The following CEP170B variants were observed in gnomAD, a reference collection of about 807,000 sequenced individuals.
The protein encoded by CEP170B is centrosomal protein 170B, also known as centrosomal protein of 170 kDa protein B.
A neutral mutation model predicts 120.6 loss-of-function variants in CEP170B; 55 were observed. That is an observed-to-expected ratio of 0.46 (90% CI 0.37 to 0.57). The LOEUF is 0.57. Ranked by LOEUF, CEP170B falls within the 20% of genes least tolerant of loss-of-function variation. The pLI is 0.00. For missense variants in CEP170B, 2,212 were observed against 2,253.3 expected (o/e 0.98, Z 0.37); for synonymous variants, 1,033 against 954.5 (o/e 1.08, Z -1.52).
In CEP170B at chr14:104,891,470, G is replaced by A. The variant is rs923883216; in HGVS notation, c.3879-1506G>A. 8.5e-5 allele frequency among the ~76,000 whole-genome samples: 13 copies of A among 152,070 alleles called. No homozygotes were observed. The highest frequency in any genetic ancestry group is 2.4e-4 in the African/African-American group (10 of 41,388). On this transcript the variant is annotated intron_variant, in intron 13 of 18. Coordinates refer to ENST00000414716, the MANE Select transcript of CEP170B (RefSeq NM_001112726.3). This position sits in a 1 kb window ranked among gnomAD's most constrained non-coding sequence, Gnocchi z 4.3. ...GAGTGGCCCACACTGGGGTGGAGGCGCAGGCACCTGAGGCTGTGAGCAGCA... is the reference window on the plus strand; with the variant it reads ...GAGTGGCCCACACTGGGGTGGAGGCACAGGCACCTGAGGCTGTGAGCAGCA...
intron 8 of CEP170B, 45 bp from the exon 9 acceptor site, chr14:104,883,786 T>C: frequency 6.8e-7 from 1 of 1,474,912 alleles, no homozygotes; most frequent in Non-Finnish European, 9.0e-7. Context: ...GACAGCTGTT[T>C]CCTTTCTCTC....
Position 104,887,863 on chromosome 14 carries a change from G to A in CEP170B, c.3624G>A (p.Lys1208=). ...RSVELCCASR[K]PTMAEARAVS... ...TGGAGTTGTGCTGTGCCAGCCGCAA[G>A]CCCACCATGGCCGAAGCACGGGCTG... Residue 1208 remains lysine (K), a synonymous_variant, in exon 12 of 19, where the codon AAG becomes AAA. Coordinates refer to ENST00000414716, the MANE Select transcript of CEP170B (RefSeq NM_001112726.3). 6 of 1,575,012 alleles carry A rather than the reference G, an allele frequency of 3.8e-6. No individual in the cohort carries two copies. Among genetic ancestry groups the A allele is most frequent in the Non-Finnish European group, 5.2e-6 (6 of 1,164,416 alleles).
At chr14:104,881,363 C>T (rs1432801679) in intron 6 of CEP170B, among the ~76,000 whole-genome samples, 7 of 152,124 alleles carry the variant, frequency 4.6e-5, no homozygotes, top group Non-Finnish European at 1.0e-4. Context: ...GGATCAGGCT[C>T]TCGGCTCCCA....
In CEP170B at chr14:104,886,629, T is replaced by C. The variant is rs1896527349; in HGVS notation, c.2390T>C (p.Phe797Ser). The change falls in exon 12 of 19, where the codon TTC (phenylalanine) becomes TCC (serine). Residue 797 changes from phenylalanine (F) to serine (S), a missense_variant. Physicochemically the swap from Phe to Ser is radical, Grantham distance 155 (BLOSUM62 -2). Transcript: ENST00000414716. ...CCCGGGGAGCCAACTCCCGCCTCTT[T>C]CTTCATTGGGGACCAGAATGGGGAC... ...RAPGEPTPASFFIGDQNGDAV... is the reference protein window; with the variant it reads ...RAPGEPTPASSFIGDQNGDAV... 6.6e-7 allele frequency: 1 copy of C among 1,522,652 alleles called. No homozygotes were observed. The highest frequency in any genetic ancestry group is 8.8e-7 in the Non-Finnish European group (1 of 1,137,916). The allele number at this position is 1,522,652 out of a possible 1,614,324, so 94.3% of individuals were successfully genotyped here.
intron 2 of CEP170B, among the ~76,000 whole-genome samples, chr14:104,874,157 G>A (rs1895710949): frequency 6.6e-6 from 1 of 152,174 alleles, no homozygotes; most frequent in Admixed American, 6.5e-5. Flanking sequence ...TCTTGGAGGA[G>A]GTGAGTGCTG....
rs748288961 is a variant in CEP170B at position 104,893,684 on chromosome 14, G to A, written c.4182+18G>A. 3.1e-5 allele frequency: 49 copies of A among 1,583,266 alleles called. No homozygotes were observed. The highest frequency in any genetic ancestry group is 4.0e-5 in the African/African-American group (3 of 74,218). On this transcript the variant is annotated intron_variant, in intron 15 of 18. Coordinates refer to ENST00000414716, the MANE Select transcript of CEP170B (RefSeq NM_001112726.3). ...GAGAGGAGGCACGGTGCCCACTACC[G>A]CCACGGAGCTGGGTGTGGGGGGAGC... is the stretch of plus-strand genomic sequence containing the variant.
At chr14:104,872,267 T>C (rs1290336613) in intron 2 of CEP170B, among the ~76,000 whole-genome samples, 2 of 112,918 alleles carry the variant, frequency 1.8e-5, no homozygotes, top group African/African-American at 7.5e-5. Context: ...TGTGTGCGTG[T>C]GGGTGTGCCG....
chr14:104,888,289 C>A (rs544170183), intron 12 of CEP170B, among the ~76,000 whole-genome samples: 1 of 152,360 alleles, frequency 6.6e-6, no homozygotes, highest in South Asian at 2.1e-4. Context: ...CCCACTCTTC[C>A]TGTACTCCTG....
In CEP170B at chr14:104,886,624, C is replaced by T. The variant is rs766621853; in HGVS notation, c.2385C>T (p.Ala795=). 1.9e-5 allele frequency: 29 copies of T among 1,522,468 alleles called. No individual in the cohort carries two copies. Among genetic ancestry groups the T allele is most frequent in the African/African-American group, 4.2e-5 (3 of 71,844 alleles). 94.3% of individuals were successfully genotyped at this position (1,522,468 alleles called of 1,614,324 possible). ...SPRAPGEPTP[A]SFFIGDQNGD... ...GGGCCCCCGGGGAGCCAACTCCCGC[C>T]TCTTTCTTCATTGGGGACCAGAATG... The change falls in exon 12 of 19, where the codon GCC becomes GCT. Residue 795 remains alanine, a synonymous_variant. Coordinates refer to ENST00000414716, the MANE Select transcript of CEP170B (RefSeq NM_001112726.3).
Position 104,896,511 on chromosome 14 carries a change from C to T in CEP170B, c.*1553C>T, listed in dbSNP as rs1420779458. The T allele has an allele frequency of 1.6e-5, 7 of 451,118 alleles. No homozygotes were observed. The highest frequency in any genetic ancestry group is 1.4e-4 in the Admixed American group (6 of 42,258). The allele number at this position is 451,118 out of a possible 1,614,324, so 27.9% of individuals were successfully genotyped here. A position where few individuals can be genotyped will look rare whatever the true frequency, so the allele number is the denominator to read the frequency against. On this transcript the variant is annotated 3_prime_UTR_variant, in exon 19 of 19. Transcript: ENST00000414716. Reference sequence around the variant, plus strand: ...TCATCCACGGCTCCTTCCCACCCCTCGGCAGTGGCTGTGCAATGTTTTAAG... The same window carrying T: ...TCATCCACGGCTCCTTCCCACCCCTTGGCAGTGGCTGTGCAATGTTTTAAG...
Position 104,865,582 on chromosome 14 carries a change from G to GGTCTCACGGGGCGCGGGGTCCC in CEP170B, c.-28+71_-28+92dup, listed in dbSNP as rs1451482397. The GGTCTCACGGGGCGCGGGGTCCC allele has an allele frequency of 5.3e-5, 8 of 151,032 alleles. No individual in the cohort carries two copies. The highest frequency in any genetic ancestry group is 1.9e-4 in the African/African-American group (8 of 41,302). 9.4% of individuals were successfully genotyped at this position (151,032 alleles called of 1,614,324 possible). A position where few individuals can be genotyped will look rare whatever the true frequency, so the allele number is the denominator to read the frequency against. ...ATCGCCCGCACCTGCACGGCTGTGG[G>GGTCTCACGGGGCGCGGGGTCCC]GTCTCACGGGGCGCGGGGTCCCGGC... On this transcript the variant is annotated intron_variant, in intron 1 of 18. Transcript: ENST00000414716. The surrounding 1 kb of genome is among the most constrained non-coding windows in gnomAD (Gnocchi z 6.7).
In CEP170B at chr14:104,887,139, G is replaced by A. The variant is rs771019399; in HGVS notation, c.2900G>A (p.Gly967Asp). ...DTASTVSLRS[G>D]KSGPSPTTPQ... ...GCCAGCACCGTCAGCCTGCGTAGTG[G>A]CAAGAGCGGGCCCAGCCCCACAACC... Residue 967 changes from glycine to aspartate, a missense_variant, in exon 12 of 19, where the codon GGC becomes GAC. This residue lies in a region of CEP170B where 2,166 missense variants were observed against 2,166.7 expected (regional missense o/e 1.00). Transcript: ENST00000414716. The A allele has an allele frequency of 1.2e-6, 2 of 1,609,668 alleles. No individual in the cohort carries two copies. The highest frequency in any genetic ancestry group is 2.7e-5 in the African/African-American group (2 of 74,910).
chr14:104,877,269 C>G (rs1358595952), intron 3 of CEP170B, among the ~76,000 whole-genome samples: 1 of 152,220 alleles, frequency 6.6e-6, no homozygotes, highest in Non-Finnish European at 1.5e-5. Flanking sequence ...GCGTCACCCA[C>G]ATGGGCTTTG....
At chr14:104,877,766 G>T in intron 3 of CEP170B, 119 bp from the exon 4 acceptor site, 2 of 675,528 alleles carry the variant, frequency 3.0e-6, no homozygotes, top group African/African-American at 3.6e-5. Context: ...CAGAGAGTTG[G>T]TGCCCCCGCG....
Position 104,886,647 on chromosome 14 carries a change from A to G in CEP170B, c.2408A>G (p.Asn803Ser). Residue 803 changes from asparagine to serine, a missense_variant, in exon 12 of 19, where the codon AAT (asparagine) becomes AGT (serine). By Grantham distance (46) the Asn-to-Ser change is conservative (BLOSUM62 1). Transcript: ENST00000414716. ...TPASFFIGDQ[N>S]GDAVLSRKPL... ...GCCTCTTTCTTCATTGGGGACCAGA[A>G]TGGGGACGCTGTGTTATCTAGGAAA... 6.5e-7 allele frequency: 1 copy of G among 1,529,830 alleles called. No homozygotes were observed. The highest frequency in any genetic ancestry group is 1.8e-4 in the Middle Eastern group (1 of 5,646). The allele number at this position is 1,529,830 out of a possible 1,614,324, so 94.8% of individuals were successfully genotyped here.
chr14:104,893,910 ACT>A (rs1184177166), intron 16 of CEP170B, 61 bp downstream of exon 16: 2 of 1,484,168 alleles, frequency 1.3e-6, no homozygotes, highest in Non-Finnish European at 1.9e-6. Flanking sequence ...ATGAGCTGAG[ACT>A]CAGCCTGGCT....
Position 104,868,662 on chromosome 14 carries a change from G to A in CEP170B, c.105+107G>A. 9.1e-7 allele frequency: 1 copy of A among 1,100,756 alleles called. No homozygotes were observed. The highest frequency in any genetic ancestry group is 1.3e-6 in the Non-Finnish European group (1 of 774,852). The allele number at this position is 1,100,756 out of a possible 1,614,324, so 68.2% of individuals were successfully genotyped here. ...TTGCTGCAGGCCACCCTGGCGAGGA[G>A]GCCGCCATGCAGCCCAGGCTGGGCC... On this transcript the variant is annotated intron_variant, in intron 2 of 18. Transcript: ENST00000414716. The surrounding 1 kb of genome is among the most constrained non-coding windows in gnomAD (Gnocchi z 5.9).
intron 16 of CEP170B, 22 bp downstream of exon 16, chr14:104,893,871 G>A: frequency 6.3e-7 from 1 of 1,599,924 alleles, no homozygotes; most frequent in Non-Finnish European, 8.5e-7. Flanking sequence ...TCCTGGCTGA[G>A]GTGGACGCCC....
intron 5 of CEP170B, among the ~76,000 whole-genome samples, chr14:104,879,627 T>C (rs1172569358): frequency 6.6e-6 from 1 of 151,966 alleles, no homozygotes; most frequent in Non-Finnish European, 1.5e-5. Context: ...CCCAGCACAT[T>C]GATGAGGCCG....
Sources: allele counts gnomAD v4.1 joint callset (sites outside exome capture counted in the v4.1 genomes callset), GRCh38; gene constraint gnomAD v4.1.1; regional missense constraint gnomAD v4.1.1; non-coding constraint Gnocchi (gnomAD v3.1); transcripts MANE v1.5; gene names NCBI Gene and HGNC (gene_info 2026-07-23, HGNC 2026-07-21).